LRP1B: variants seen among roughly 807,000 people sequenced by gnomAD.
LRP1B encodes LDL receptor related protein 1B.
LRP1B carries 217 observed loss-of-function variants against 556.6 expected under a neutral mutation model. That is an observed-to-expected ratio of 0.39 (90% CI 0.35 to 0.44). The LOEUF (loss-of-function observed/expected upper bound fraction) is 0.44, where lower values mean the gene tolerates loss of function less well. Ranked by LOEUF, LRP1B falls within the 20% of genes least tolerant of loss-of-function variation. The pLI is 1.00. For synonymous variants in LRP1B, 2,047 were observed against 1,865.8 expected, an observed-to-expected ratio of 1.10 and a Z score of -2.50; for missense variants, 5,053 against 5,620.8, an observed-to-expected ratio of 0.90 and a Z score of 3.23.
At chr2:141,502,834 G>C (rs948759014) in intron 2 of LRP1B, among the ~76,000 whole-genome samples, 1 of 147,964 alleles carries the variant, frequency 6.8e-6, no homozygotes, top group Non-Finnish European at 1.5e-5. Context: ...ACTGCAGCCT[G>C]GTGGCAGAGG....
At chr2:141,420,460 C>A (rs1433387738) in intron 3 of LRP1B, among the ~76,000 whole-genome samples, 1 of 152,094 alleles carries the variant, frequency 6.6e-6, no homozygotes, top group African/African-American at 2.4e-5. Flanking sequence ...CCTGTGAATG[C>A]AATTCTTCAG....
In LRP1B at chr2:140,495,586, T is replaced by C; in HGVS notation, c.9013A>G (p.Asn3005Asp). Residue 3005 changes from asparagine (N) to aspartate (D), a missense_variant, in exon 56 of 91, where the codon AAT (asparagine) becomes GAT (aspartate). This residue lies in a region of LRP1B where 3,619 missense variants were observed against 3,931.9 expected (regional missense o/e 0.92). Transcript: ENST00000389484. ...DGYEIQPDNP[N>D]GCKSLSDEEP... ...ATACCTGAGAGCGATTTGCAGCCATTTGGGTTATCAGGTTGTATTTCATAC... is the reference window on the plus strand; with the variant it reads ...ATACCTGAGAGCGATTTGCAGCCATCTGGGTTATCAGGTTGTATTTCATAC... The C allele has an allele frequency of 1.3e-6, 2 of 1,590,036 alleles. No individual in the cohort carries two copies. Among genetic ancestry groups the C allele is most frequent in the Non-Finnish European group, 8.6e-7 (1 of 1,161,940 alleles).
chr2:141,105,110 A>G (rs984396641), intron 7 of LRP1B, among the ~76,000 whole-genome samples: 2 of 152,092 alleles, frequency 1.3e-5, no homozygotes, highest in Non-Finnish European at 2.9e-5. Flanking sequence ...GCTAACCATC[A>G]AAGTCTGCAT....
intron 1 of LRP1B, among the ~76,000 whole-genome samples, chr2:142,046,463 G>C (rs1408062952): frequency 1.3e-5 from 2 of 151,824 alleles, no homozygotes; most frequent in Non-Finnish European, 2.9e-5. Flanking sequence ...AGGGGCATCA[G>C]GCCAACAAAT....
intron 1 of LRP1B, among the ~76,000 whole-genome samples, chr2:141,975,031 T>C (rs1701846892): frequency 6.6e-6 from 1 of 152,096 alleles, no homozygotes; most frequent in Non-Finnish European, 1.5e-5. Flanking sequence ...TATAATGTGA[T>C]ACAAGTGAAT....
chr2:140,815,863 C>G (rs1691100695), intron 31 of LRP1B, among the ~76,000 whole-genome samples: 1 of 64,758 alleles, frequency 1.5e-5, no homozygotes, highest in South Asian at 7.7e-4. Context: ...AGAATGTTGT[C>G]TCTCTTTTTT....
rs184579861 is a variant in LRP1B at position 140,613,785 on chromosome 2, T to A, written c.6800-12146A>T. 3.3e-5 allele frequency among the ~76,000 whole-genome samples: 5 copies of A among 152,188 alleles called. No homozygotes were observed. In the East Asian group the frequency reaches 9.6e-4, roughly 29 times the overall value. ...GTGCCTGCCCCAGAAAAGTCAAGAA[T>A]GATAAAGTAATTTACTGTTTTTCTA... On this transcript the variant is annotated intron_variant, in intron 41 of 90. Transcript: ENST00000389484.
At chr2:141,785,445 A>G (rs1019209933) in intron 2 of LRP1B, among the ~76,000 whole-genome samples, 3 of 151,834 alleles carry the variant, frequency 2.0e-5, no homozygotes, top group African/African-American at 7.2e-5. Context: ...TGATCACTGC[A>G]TTGGCTCTGG....
intron 3 of LRP1B, among the ~76,000 whole-genome samples, chr2:141,285,345 C>T (rs566903438): frequency 2.0e-4 from 30 of 151,988 alleles, no homozygotes; most frequent in African/African-American, 7.2e-4. Flanking sequence ...CCTCGGCCTC[C>T]CAAAGTGCTG....
intron 79 of LRP1B, among the ~76,000 whole-genome samples, chr2:140,333,249 C>A (rs1385841964): frequency 6.6e-6 from 1 of 152,076 alleles, no homozygotes. Flanking sequence ...GATAACTTCT[C>A]TGATCATAAC....
intron 66 of LRP1B, 68 bp downstream of exon 66, chr2:140,442,436 T>C: frequency 6.5e-7 from 1 of 1,548,104 alleles, no homozygotes. Flanking sequence ...TCAAATTTGT[T>C]TAACTGTGGT....
At position 141,055,883 on chromosome 2, in the gene LRP1B, G is replaced by A. The variant is rs16845239; in HGVS notation, c.1409-624C>T. 4.2e-3 allele frequency among the ~76,000 whole-genome samples: 632 copies of A among 149,944 alleles called. 3 individuals carry two copies. The highest frequency in any genetic ancestry group is 0.014 in the African/African-American group (575 of 40,852). On this transcript the variant is annotated intron_variant, in intron 9 of 90. Coordinates refer to ENST00000389484, the MANE Select transcript of LRP1B (RefSeq NM_018557.3). Reference sequence around the variant, plus strand: ...TGAGTATATGTATAGAAATTGAGGCGTAGAAGAATATTTTGTGAGCATAAA... The same window carrying A: ...TGAGTATATGTATAGAAATTGAGGCATAGAAGAATATTTTGTGAGCATAAA...
At chr2:141,665,437 T>C (rs992976329) in intron 2 of LRP1B, among the ~76,000 whole-genome samples, 1 of 152,182 alleles carries the variant, frequency 6.6e-6, no homozygotes, top group South Asian at 2.1e-4. Flanking sequence ...TAATAGATGC[T>C]GGTGAGTCTG....
chr2:141,012,427 A>G (rs546286868), intron 14 of LRP1B, among the ~76,000 whole-genome samples: 3 of 152,152 alleles, frequency 2.0e-5, no homozygotes, highest in Admixed American at 1.3e-4. Flanking sequence ...TAGGCAAACT[A>G]TGGTAGTGTG....
intron 1 of LRP1B, among the ~76,000 whole-genome samples, chr2:142,014,625 G>A (rs1261085594): frequency 6.6e-6 from 1 of 152,170 alleles, no homozygotes; most frequent in Non-Finnish European, 1.5e-5. Context: ...AACCAGGTTA[G>A]AGCAATGTCA....
Position 141,251,477 on chromosome 2 carries a change from T to C in LRP1B, c.463+3045A>G, listed in dbSNP as rs1488084337. Among the ~76,000 whole-genome samples the C allele has an allele frequency of 2.6e-5, 4 of 152,144 alleles. No individual in the cohort carries two copies. In the East Asian group the frequency reaches 7.7e-4, roughly 29 times the overall value. ...TAGGATATAAAGTGGATATTTGTTG[T>C]GAGTATTTCTAGTTTTGTTTTTGTT... On this transcript the variant is annotated intron_variant, in intron 4 of 90. Transcript: ENST00000389484.
chr2:141,371,770 G>C (rs764117384), intron 3 of LRP1B, among the ~76,000 whole-genome samples: 69 of 152,028 alleles, frequency 4.5e-4, no homozygotes, highest in Middle Eastern at 3.4e-3. Context: ...TTTTTTGGTG[G>C]AGTCTTTAGG....
rs529335797 is a variant in LRP1B at position 141,068,132 on chromosome 2, A to T, written c.1014-5859T>A. Among the ~76,000 whole-genome samples, 7 of 152,132 alleles carry T rather than the reference A, an allele frequency of 4.6e-5. No individual in the cohort carries two copies. The East Asian group carries it at 1.4e-3, about 30-fold the overall frequency. The stretch of plus-strand genomic sequence containing the variant: ...CCCATATTATTTAACGTTCTATTTT[A>T]AGATTCAGAAAAATTGTGTTCTAAA... On this transcript the variant is annotated intron_variant, in intron 7 of 90. Coordinates refer to ENST00000389484, the MANE Select transcript of LRP1B (RefSeq NM_018557.3).
At chr2:142,103,778 C>A (rs1215929033) in intron 1 of LRP1B, among the ~76,000 whole-genome samples, 1 of 151,568 alleles carries the variant, frequency 6.6e-6, no homozygotes, top group Non-Finnish European at 1.5e-5. Flanking sequence ...TCACAAAATG[C>A]AATAAGGACA....
Sources: gnomAD v4.1 joint callset for allele counts (sites outside exome capture counted in the v4.1 genomes callset) on GRCh38, gnomAD v4.1.1 for gene constraint, gnomAD v4.1.1 regional missense constraint, MANE v1.5 for transcripts, NCBI Gene and HGNC (gene_info 2026-07-23, HGNC 2026-07-21) for gene names.